Variants in EBF2 observed in about 807,000 individuals in gnomAD.
The protein encoded by EBF2 is EBF transcription factor 2, also known as transcription factor COE2.
In EBF2, 21 loss-of-function variants were observed where a neutral mutation model predicts 72.8. The ratio of observed to expected loss-of-function variants is 0.29; its 90% CI spans 0.20 to 0.42. EBF2 has a LOEUF of 0.42. Among genes scored for constraint, EBF2 ranks in the 10% least tolerant of loss-of-function variants. The probability of loss-of-function intolerance (pLI) is 1.00; values close to 1 mark genes in which losing one functional copy is unlikely to be tolerated. For missense variants in EBF2, 637 were observed against 731.2 expected, an observed-to-expected ratio of 0.87 and a Z score of 1.49; for synonymous variants, 299 against 274.2, an observed-to-expected ratio of 1.09 and a Z score of -0.89.
At position 26,033,923 on chromosome 8, in the gene EBF2, G is replaced by A. The variant is rs74663537; in HGVS notation, c.483-770C>T. On this transcript the variant is annotated intron_variant, in intron 5 of 15. Coordinates refer to ENST00000520164, the MANE Select transcript of EBF2 (RefSeq NM_022659.4). Reference sequence around the variant, plus strand: ...TGACTTAGAAGCTGGCTAATTCTCAGCAAATCACAACTTTCCCATGAGTCA... The same window carrying A: ...TGACTTAGAAGCTGGCTAATTCTCAACAAATCACAACTTTCCCATGAGTCA... Among the ~76,000 whole-genome samples, 1,459 of 152,292 alleles carry A rather than the reference G, an allele frequency of 9.6e-3. 14 individuals carry two copies. Among genetic ancestry groups the A allele is most frequent in the Non-Finnish European group, 0.014 (973 of 68,024 alleles).
chr8:25,988,391 G>C (rs1804494433), intron 6 of EBF2, among the ~76,000 whole-genome samples: 1 of 152,172 alleles, frequency 6.6e-6, no homozygotes, highest in Non-Finnish European at 1.5e-5. Context: ...ATTTAAATGA[G>C]TTTTATAAGT....
At chr8:25,848,669 T>C (rs1801893047) in intron 15 of EBF2, among the ~76,000 whole-genome samples, 1 of 152,030 alleles carries the variant, frequency 6.6e-6, no homozygotes, top group African/African-American at 2.4e-5. Flanking sequence ...GAAGGGGTGA[T>C]CAGTGGAAGT....
At chr8:25,862,416 AC>A (rs1208385225) in intron 11 of EBF2, among the ~76,000 whole-genome samples, 2 of 152,208 alleles carry the variant, frequency 1.3e-5, no homozygotes, top group African/African-American at 4.8e-5. Context: ...GGAAGCTTAT[AC>A]TTTTAACCAA....
At chr8:26,012,882 A>C (rs2117235982) in intron 6 of EBF2, among the ~76,000 whole-genome samples, 1 of 152,324 alleles carries the variant, frequency 6.6e-6, no homozygotes. Flanking sequence ...TCCATTCATT[A>C]AACAAATACT....
At chr8:26,039,138 C>A (rs919649710) in intron 5 of EBF2, among the ~76,000 whole-genome samples, 28 of 152,064 alleles carry the variant, frequency 1.8e-4, no homozygotes, top group African/African-American at 6.0e-4. Context: ...GGATCCCCAG[C>A]ACCCAACCGA....
At chr8:25,865,393 G>C (rs913241575) in intron 10 of EBF2, among the ~76,000 whole-genome samples, 5 of 151,978 alleles carry the variant, frequency 3.3e-5, no homozygotes, top group Admixed American at 6.5e-5. Flanking sequence ...AAACACTTCT[G>C]TGTTTTACAC....
At chr8:26,007,097 A>G (rs1021097071) in intron 6 of EBF2, among the ~76,000 whole-genome samples, 3 of 152,228 alleles carry the variant, frequency 2.0e-5, no homozygotes, top group Non-Finnish European at 2.9e-5. Context: ...TGAGAGATGA[A>G]GTATGACTTA....
chr8:26,044,507 A>G lies in EBF2; in HGVS notation c.131+222T>C, dbSNP rs924905824. ...GTAAAGGAGAGGGAGAGAAACGCCT[A>G]CGACCCAGGCAGTTCAGGAACTCGA... On this transcript the variant is annotated intron_variant, in intron 1 of 15. Transcript: ENST00000520164. This position sits in a 1 kb window ranked among gnomAD's most constrained non-coding sequence, Gnocchi z 4.1. 1.3e-5 allele frequency among the ~76,000 whole-genome samples: 2 copies of G among 152,210 alleles called. No homozygotes were observed. The highest frequency in any genetic ancestry group is 4.8e-5 in the African/African-American group (2 of 41,462).
chr8:26,023,138 G>A (rs1391068648), intron 6 of EBF2, among the ~76,000 whole-genome samples: 2 of 152,104 alleles, frequency 1.3e-5, no homozygotes, highest in African/African-American at 2.4e-5. Flanking sequence ...AACTTATCCA[G>A]CCCTGTTCAC....
chr8:25,948,809 C>T (rs140169715), intron 6 of EBF2, among the ~76,000 whole-genome samples: 5 of 152,318 alleles, frequency 3.3e-5, no homozygotes, highest in East Asian at 3.9e-4. Flanking sequence ...TCTAATCCTA[C>T]GTTGACTCTG....
At chr8:25,855,094 T>C (rs1006277427) in intron 14 of EBF2, among the ~76,000 whole-genome samples, 1 of 152,236 alleles carries the variant, frequency 6.6e-6, no homozygotes, top group Non-Finnish European at 1.5e-5. Flanking sequence ...TATCTCTCTA[T>C]GGATAGAGGC....
chr8:25,932,571 CTG>C (rs1186751776), intron 6 of EBF2, among the ~76,000 whole-genome samples: 1 of 152,174 alleles, frequency 6.6e-6, no homozygotes, highest in Non-Finnish European at 1.5e-5. Flanking sequence ...GATGTTAAAA[CTG>C]TGCCAGCACA....
chr8:26,026,247 A>G (rs918515041), intron 6 of EBF2, among the ~76,000 whole-genome samples: 1 of 152,144 alleles, frequency 6.6e-6, no homozygotes, highest in African/African-American at 2.4e-5. Flanking sequence ...GTTCTCCCAT[A>G]CTGGAGATGA....
intron 6 of EBF2, among the ~76,000 whole-genome samples, chr8:26,026,180 AAG>A (rs1805299961): frequency 6.7e-6 from 1 of 150,238 alleles, no homozygotes; most frequent in Non-Finnish European, 1.5e-5. Context: ...CTGTCTCAAA[AAG>A]AAATTTTTTT....
chr8:25,872,111 C>T (rs1802448866), intron 10 of EBF2, among the ~76,000 whole-genome samples: 4 of 152,140 alleles, frequency 2.6e-5, no homozygotes, highest in African/African-American at 9.7e-5. Context: ...ACTTCTGTTT[C>T]ACAAAAATGA....
At chr8:25,858,107 T>C (rs745582663) in intron 14 of EBF2, 17 of 696,960 alleles carry the variant, frequency 2.4e-5, no homozygotes, top group Admixed American at 4.1e-5. Flanking sequence ...GTTTCAATCC[T>C]TTTCTTTCCC....
intron 5 of EBF2, among the ~76,000 whole-genome samples, chr8:26,034,846 A>G (rs1253165222): frequency 9.2e-5 from 14 of 152,264 alleles, no homozygotes. Context: ...TCTGTAGCAT[A>G]AGTTTGACAT....
At chr8:25,844,879 G>A (rs1350258705) in intron 15 of EBF2, among the ~76,000 whole-genome samples, 1 of 152,226 alleles carries the variant, frequency 6.6e-6, no homozygotes, top group African/African-American at 2.4e-5. Context: ...TTTTGCCTGG[G>A]AGGCCAGGAG....
intron 6 of EBF2, among the ~76,000 whole-genome samples, chr8:25,997,955 T>C (rs971145941): frequency 3.9e-5 from 6 of 152,162 alleles, no homozygotes; most frequent in African/African-American, 1.2e-4. Flanking sequence ...TCAAAATATA[T>C]ACATCTTAAA....
Sources: allele counts gnomAD v4.1 joint callset (sites outside exome capture counted in the v4.1 genomes callset), GRCh38; gene constraint gnomAD v4.1.1; non-coding constraint Gnocchi (gnomAD v3.1); transcripts MANE v1.5; gene names NCBI Gene and HGNC (gene_info 2026-07-23, HGNC 2026-07-21).